The following DNM1L variants were observed in gnomAD, a reference collection of about 807,000 sequenced individuals.
The protein encoded by DNM1L is dynamin 1L.
A neutral mutation model predicts 92.8 loss-of-function variants in DNM1L; 33 were observed. That is an observed-to-expected ratio of 0.36 (90% CI 0.27 to 0.48). The LOEUF is 0.48. Among genes scored for constraint, DNM1L ranks in the 20% least tolerant of loss-of-function variants. The pLI, the probability that DNM1L is intolerant of heterozygous loss-of-function variation, is 0.99. For synonymous variants in DNM1L, 284 were observed against 305.0 expected, an observed-to-expected ratio of 0.93 and a Z score of 0.72; for missense variants, 485 against 888.8, an observed-to-expected ratio of 0.55 and a Z score of 5.78.
At chr12:32,694,115 G>A (rs138985254) in intron 1 of DNM1L, among the ~76,000 whole-genome samples, 3 of 149,508 alleles carry the variant, frequency 2.0e-5, no homozygotes, top group East Asian at 2.0e-4. Flanking sequence ...ATGGAGTCTC[G>A]CCCTGTTGCC....
At chr12:32,724,162 CTACTT>C (rs139287253) in intron 9 of DNM1L, among the ~76,000 whole-genome samples, 1,889 of 152,256 alleles carry the variant, frequency 0.012, 37 homozygotes, top group African/African-American at 0.035. Flanking sequence ...AGTCTTATCT[CTACTT>C]TAATCTCATG....
intron 16 of DNM1L, among the ~76,000 whole-genome samples, chr12:32,739,660 A>G (rs1336800589): frequency 6.6e-6 from 1 of 152,260 alleles, no homozygotes; most frequent in African/African-American, 2.4e-5. Context: ...AACAGTGTTA[A>G]TGATTACTTA....
chr12:32,733,864 T>C, intron 13 of DNM1L, 57 bp downstream of exon 13: 1 of 1,448,430 alleles, frequency 6.9e-7, no homozygotes, highest in Non-Finnish European at 9.7e-7. Context: ...GTAACTCAGT[T>C]ATATCAAACT....
chr12:32,740,659 C>T, intron 18 of DNM1L, 141 bp downstream of exon 18: 1 of 734,770 alleles, frequency 1.4e-6, no homozygotes, highest in Non-Finnish European at 2.2e-6. Flanking sequence ...CCTTGGGTAA[C>T]TTGTAGCAAG....
intron 14 of DNM1L, chr12:32,737,387 T>C (rs1189505250): frequency 2.7e-6 from 1 of 374,478 alleles, no homozygotes; most frequent in Non-Finnish European, 4.7e-6. Context: ...TTTAAGCATT[T>C]ATTTAAGCAT....
At chr12:32,688,127 G>T (rs540411282) in intron 1 of DNM1L, among the ~76,000 whole-genome samples, 3 of 152,016 alleles carry the variant, frequency 2.0e-5, no homozygotes, top group South Asian at 2.1e-4. Flanking sequence ...GTTTCACCAC[G>T]TTGGCAAGAT....
chr12:32,717,219 ATAGTATATAT>A (rs1165552593), intron 6 of DNM1L, among the ~76,000 whole-genome samples: 9 of 113,404 alleles, frequency 7.9e-5, no homozygotes, highest in African/African-American at 2.8e-4. Context: ...TATAAAATAT[ATAGTATATAT>A]TATATATATT....
rs921872207 is a variant in DNM1L, at chr12:32,699,991, AATAAG to A, written c.103-1418_103-1414del. On this transcript the variant is annotated intron_variant, in intron 1 of 19. Coordinates refer to ENST00000549701, the MANE Select transcript of DNM1L (RefSeq NM_012062.5). ...TTAAATGAACTAAATCTAGTGAGGTAATAAGATAAGTGAGTAAGGTTATATGTATA... is the reference window on the plus strand; with the variant it reads ...TTAAATGAACTAAATCTAGTGAGGTAATAAGTGAGTAAGGTTATATGTATA... 5.3e-5 allele frequency among the ~76,000 whole-genome samples: 8 copies of A among 152,314 alleles called. No homozygotes were observed. In the South Asian group the frequency reaches 1.0e-3, roughly 20 times the overall value.
rs527512022 is a variant in DNM1L at position 32,680,066 on chromosome 12, A to G, written c.102+601A>G. On this transcript the variant is annotated intron_variant, in intron 1 of 19. Coordinates refer to ENST00000549701, the MANE Select transcript of DNM1L (RefSeq NM_012062.5). ...GCCGAAGCAGCATTTTAAAAAAAGA[A>G]AAACAAAACGTGTATCTAGAGTTCT... 3.6e-4 allele frequency: 342 copies of G among 940,380 alleles called. 5 individuals carry two copies. In the South Asian group the frequency reaches 0.015, roughly 40 times the overall value. 58.3% of individuals were successfully genotyped at this position (940,380 alleles called of 1,614,324 possible). A position where few individuals can be genotyped will look rare whatever the true frequency, so the allele number is the denominator to read the frequency against.
chr12:32,702,763 T>C (rs994385955), intron 2 of DNM1L, among the ~76,000 whole-genome samples: 37 of 152,150 alleles, frequency 2.4e-4, no homozygotes, highest in Admixed American at 4.6e-4. Context: ...AGCAAATTAG[T>C]GTAGTTGTAG....
chr12:32,725,884 C>T (rs570374367), intron 9 of DNM1L, among the ~76,000 whole-genome samples: 5 of 149,866 alleles, frequency 3.3e-5, no homozygotes, highest in South Asian at 2.1e-4. Context: ...GGATTGCAGG[C>T]GTGAGCCACC....
At chr12:32,724,588 AAAAAAATATAT>A (rs1182053497) in intron 9 of DNM1L, among the ~76,000 whole-genome samples, 35 of 68,066 alleles carry the variant, frequency 5.1e-4, no homozygotes, top group South Asian at 1.9e-3. Flanking sequence ...AAAAAAAAAA[AAAAAAATATAT>A]ATATATATAT....
intron 14 of DNM1L, chr12:32,737,510 T>G (rs925258383): frequency 2.9e-5 from 11 of 382,962 alleles, no homozygotes; most frequent in African/African-American, 2.2e-4. Flanking sequence ...AAAAACAGTA[T>G]GCACAGAACA....
intron 9 of DNM1L, among the ~76,000 whole-genome samples, chr12:32,724,598 A>G (rs1241562524): frequency 4.5e-5 from 2 of 44,824 alleles, no homozygotes; most frequent in Admixed American, 4.9e-4. Context: ...AAAAAAATAT[A>G]TATATATATA....
chr12:32,740,119 A>G lies in DNM1L; in HGVS notation c.1763A>G (p.Asn588Ser), dbSNP rs1955185543. 6.2e-7 allele frequency: 1 copy of G among 1,614,204 alleles called. No homozygotes were observed. Among genetic ancestry groups the G allele is most frequent in the Non-Finnish European group, 8.5e-7 (1 of 1,180,032 alleles). ...GDGVQEPTTGNWRGMLKTSKA... is the reference protein window; with the variant it reads ...GDGVQEPTTGSWRGMLKTSKA... ...GGTGTTCAAGAACCAACCACAGGCA[A>G]CTGGAGAGGAATGCTGAAAACTTCA... The change falls in exon 17 of 20, where the codon AAC becomes AGC. Residue 588 changes from asparagine to serine, a missense_variant. Asn to Ser is a conservative substitution (Grantham distance 46, BLOSUM62 1). This residue lies in a region of DNM1L where 133 missense variants were observed against 210.9 expected (regional missense o/e 0.63). Coordinates refer to ENST00000549701, the MANE Select transcript of DNM1L (RefSeq NM_012062.5).
Position 32,701,263 on chromosome 12 carries a change from C to T in DNM1L, c.103-152C>T, listed in dbSNP as rs562106426. 355 of 652,202 alleles carry T rather than the reference C, an allele frequency of 5.4e-4. 2 individuals are homozygous for T. In the Middle Eastern group the frequency reaches 6.6e-3, roughly 12 times the overall value. 40.4% of individuals were successfully genotyped at this position (652,202 alleles called of 1,614,324 possible). On this transcript the variant is annotated intron_variant, in intron 1 of 19. Transcript: ENST00000549701. ...TGCACTCCAGCCTAGCCAACAAGAG[C>T]GAAACTCCGTCTCAAAAAAAAAAAA...
At chr12:32,679,862 C>T (rs1951739007) in intron 1 of DNM1L, 1 of 994,410 alleles carries the variant, frequency 1.0e-6, no homozygotes. Context: ...TCGCTGGGCT[C>T]GGTGGGCTGG....
intron 9 of DNM1L, among the ~76,000 whole-genome samples, chr12:32,730,169 T>A (rs183079269): frequency 6.6e-6 from 1 of 150,478 alleles, no homozygotes; most frequent in Admixed American, 6.6e-5. Flanking sequence ...ATCAAGACCA[T>A]CCTGGCCAAC....
intron 18 of DNM1L, among the ~76,000 whole-genome samples, 186 bp from the exon 19 acceptor site, chr12:32,742,403 C>T (rs886607462): frequency 1.3e-5 from 2 of 152,110 alleles, no homozygotes; most frequent in African/African-American, 2.4e-5. Flanking sequence ...TGCGCCTGGC[C>T]GAGAACTGCT....
Sources: gnomAD v4.1 joint callset for allele counts (sites outside exome capture counted in the v4.1 genomes callset) on GRCh38, gnomAD v4.1.1 for gene constraint, gnomAD v4.1.1 regional missense constraint, MANE v1.5 for transcripts, NCBI Gene and HGNC (gene_info 2026-07-23, HGNC 2026-07-21) for gene names.